The following SGCZ variants were observed in gnomAD, a reference collection of about 807,000 sequenced individuals.
The protein encoded by SGCZ is sarcoglycan zeta.
In SGCZ, 40 loss-of-function variants were observed where a neutral mutation model predicts 41.3. The observed-to-expected ratio is 0.97, with a 90% CI of 0.75 to 1.26. The LOEUF is 1.26. SGCZ is among the 50% of genes most tolerant of loss of function. The pLI is 0.00. For missense variants in SGCZ, 552 were observed against 369.8 expected (o/e 1.49, Z -4.04); for synonymous variants, 206 against 137.5 (o/e 1.50, Z -3.49).
intron 2 of SGCZ, among the ~76,000 whole-genome samples, chr8:14,363,316 A>G (rs1429622141): frequency 6.6e-6 from 1 of 152,134 alleles, no homozygotes; most frequent in African/African-American, 2.4e-5. Context: ...TAATAAGGGG[A>G]AAATACTGAC....
chr8:15,136,347 C>A (rs1022629377), intron 1 of SGCZ, among the ~76,000 whole-genome samples: 3 of 152,026 alleles, frequency 2.0e-5, no homozygotes, highest in Non-Finnish European at 2.9e-5. Flanking sequence ...GATAGGAGAG[C>A]TTCAGGTGCC....
chr8:14,396,490 T>G (rs903742668), intron 2 of SGCZ, among the ~76,000 whole-genome samples: 1 of 152,086 alleles, frequency 6.6e-6, no homozygotes, highest in Non-Finnish European at 1.5e-5. Context: ...TCATTCCCTA[T>G]GCCTCCTAAT....
chr8:14,908,621 G>C (rs187033251), intron 1 of SGCZ, among the ~76,000 whole-genome samples: 1 of 151,552 alleles, frequency 6.6e-6, no homozygotes, highest in Non-Finnish European at 1.5e-5. Flanking sequence ...GTGGTGACAG[G>C]CACCTGTAAT....
At chr8:15,104,354 A>T (rs939022682) in intron 1 of SGCZ, among the ~76,000 whole-genome samples, 1 of 152,202 alleles carries the variant, frequency 6.6e-6, no homozygotes, top group African/African-American at 2.4e-5. Context: ...AGCTACAAGG[A>T]TTTGTAAAGT....
intron 5 of SGCZ, among the ~76,000 whole-genome samples, chr8:14,115,410 CAT>C (rs1802493094): frequency 6.6e-6 from 1 of 151,964 alleles, no homozygotes; most frequent in African/African-American, 2.4e-5. Context: ...TTTGATAGCA[CAT>C]GAGCTACCCA....
intron 1 of SGCZ, among the ~76,000 whole-genome samples, chr8:15,190,168 T>C (rs1381088332): frequency 6.6e-6 from 1 of 152,160 alleles, no homozygotes; most frequent in Non-Finnish European, 1.5e-5. Context: ...CTCACCACCA[T>C]AACACCAACG....
At chr8:14,558,574 T>TAGAGAGAGAGAGAGAGAGAGAGAGAGAG (rs146179658) in intron 1 of SGCZ, among the ~76,000 whole-genome samples, 2 of 99,810 alleles carry the variant, frequency 2.0e-5, no homozygotes, top group Non-Finnish European at 2.0e-5. Flanking sequence ...GAATGACTCT[T>TAGAGAGAGAGAGAGAGAGAGAGAGAGAG]AGAGAGAGAG....
intron 1 of SGCZ, among the ~76,000 whole-genome samples, chr8:14,579,775 G>A (rs954866746): frequency 3.9e-5 from 6 of 152,146 alleles, no homozygotes; most frequent in Non-Finnish European, 8.8e-5. Flanking sequence ...ACAAGTACAT[G>A]AGTTTTACGT....
chr8:14,587,996 C>G (rs890661696), intron 1 of SGCZ, among the ~76,000 whole-genome samples: 3 of 151,884 alleles, frequency 2.0e-5, no homozygotes, highest in Non-Finnish European at 4.4e-5. Flanking sequence ...GGCATCTTTA[C>G]AAAAAGATGT....
At chr8:14,417,039 T>A (rs1015275595) in intron 2 of SGCZ, among the ~76,000 whole-genome samples, 1 of 151,792 alleles carries the variant, frequency 6.6e-6, no homozygotes, top group African/African-American at 2.4e-5. Context: ...AGCAGGCTCT[T>A]TGAAATACCT....
At chr8:14,720,037 T>C (rs1034539321) in intron 1 of SGCZ, among the ~76,000 whole-genome samples, 3 of 152,022 alleles carry the variant, frequency 2.0e-5, no homozygotes, top group African/African-American at 7.2e-5. Context: ...TTGTAGAAGG[T>C]GTAAGGAAGG....
At chr8:14,242,073 C>T (rs750327407) in intron 3 of SGCZ, among the ~76,000 whole-genome samples, 1 of 152,084 alleles carries the variant, frequency 6.6e-6, no homozygotes. Context: ...GGTAGCCAGA[C>T]AGACAATAAA....
intron 1 of SGCZ, among the ~76,000 whole-genome samples, chr8:14,668,593 T>C (rs1321698426): frequency 6.6e-6 from 1 of 152,172 alleles, no homozygotes; most frequent in Non-Finnish European, 1.5e-5. Context: ...TACTCTTTCC[T>C]CTATGTGTCT....
chr8:14,191,929 A>G (rs1293643085), intron 4 of SGCZ, among the ~76,000 whole-genome samples: 1 of 152,166 alleles, frequency 6.6e-6, no homozygotes, highest in African/African-American at 2.4e-5. Flanking sequence ...AAAGTAAAAT[A>G]CTGATCCTTT....
intron 1 of SGCZ, among the ~76,000 whole-genome samples, chr8:14,928,594 T>C (rs576527491): frequency 1.3e-5 from 2 of 152,306 alleles, no homozygotes; most frequent in East Asian, 3.9e-4. Context: ...ACAAAGTAGT[T>C]TACACAATTT....
chr8:14,253,585 T>A (rs1799360454), intron 3 of SGCZ, among the ~76,000 whole-genome samples: 1 of 152,084 alleles, frequency 6.6e-6, no homozygotes, highest in Non-Finnish European at 1.5e-5. Context: ...CATATATCTG[T>A]CTATGTAAAG....
chr8:14,576,797 A>T (rs1804724655), intron 1 of SGCZ, among the ~76,000 whole-genome samples: 1 of 152,188 alleles, frequency 6.6e-6, no homozygotes, highest in African/African-American at 2.4e-5. Flanking sequence ...CATCAAGGGT[A>T]TAATAGCTGC....
intron 3 of SGCZ, among the ~76,000 whole-genome samples, chr8:14,259,269 T>C (rs796454021): frequency 3.9e-5 from 6 of 152,308 alleles, no homozygotes; most frequent in Admixed American, 3.9e-4. Context: ...AGCAAGTTAT[T>C]TTCCTTTAGA....
At chr8:14,504,650 G>A (rs1802252327) in intron 2 of SGCZ, among the ~76,000 whole-genome samples, 1 of 151,936 alleles carries the variant, frequency 6.6e-6, no homozygotes, top group Admixed American at 6.6e-5. Flanking sequence ...ACAAAGGTCA[G>A]GTATCTTTAT....
Sources: allele counts gnomAD v4.1 joint callset (sites outside exome capture counted in the v4.1 genomes callset), GRCh38; gene constraint gnomAD v4.1.1; transcripts MANE v1.5; gene names NCBI Gene and HGNC (gene_info 2026-07-23, HGNC 2026-07-21).